TENT5D: variants seen among roughly 807,000 people sequenced by gnomAD.
TENT5D encodes the protein terminal nucleotidyltransferase 5D, also known as cancer/testis antigen 112.
For missense variants in TENT5D, 191 were observed against 287.0 expected (o/e 0.67, Z 2.42); for synonymous variants, 103 against 100.6 (o/e 1.02, Z -0.15).
chrX:80,433,873 G>A (rs1250311735), intron 1 of TENT5D, among the ~76,000 whole-genome samples: 1 of 111,316 alleles, frequency 9.0e-6, no homozygotes, highest in African/African-American at 3.3e-5. Flanking sequence ...GGTGGCTCAT[G>A]CCTCTAATCC....
intron 3 of TENT5D, among the ~76,000 whole-genome samples, chrX:80,344,286 A>G (rs1477346372): frequency 9.0e-6 from 1 of 110,520 alleles, no homozygotes; most frequent in Non-Finnish European, 1.9e-5. Flanking sequence ...TTTTGGTAGA[A>G]CAATTTATAT....
intron 1 of TENT5D, among the ~76,000 whole-genome samples, chrX:80,436,513 G>T (rs1028358525): frequency 9.1e-6 from 1 of 110,252 alleles, no homozygotes; most frequent in Non-Finnish European, 1.9e-5. Context: ...TCTACATTAG[G>T]TACTTCTCCT....
intron 3 of TENT5D, among the ~76,000 whole-genome samples, chrX:80,343,165 T>C (rs775562533): frequency 9.0e-6 from 1 of 111,305 alleles, no homozygotes; most frequent in Admixed American, 9.6e-5. Flanking sequence ...CAGGAGTGCA[T>C]TAATGCTCAG....
chrX:80,372,712 C>T (rs1279788093), intron 3 of TENT5D, among the ~76,000 whole-genome samples: 3 of 109,241 alleles, frequency 2.7e-5, no homozygotes, highest in African/African-American at 1.0e-4. Context: ...CATGGTGAAA[C>T]CCCGTCTCTA....
At chrX:80,338,204 C>G (rs1390388893) in intron 2 of TENT5D, among the ~76,000 whole-genome samples, 1 of 111,636 alleles carries the variant, frequency 9.0e-6, no homozygotes, top group African/African-American at 3.3e-5. Flanking sequence ...AGGTTGCTAC[C>G]TTTTTCTCCT....
chrX:80,378,371 T>C (rs182999473), intron 3 of TENT5D, among the ~76,000 whole-genome samples: 77 of 112,031 alleles, frequency 6.9e-4, no homozygotes, highest in African/African-American at 2.4e-3. Context: ...TGGTTTTAGG[T>C]CTAAGATTGA....
At chrX:80,378,057 T>A (rs1435706962) in intron 3 of TENT5D, among the ~76,000 whole-genome samples, 1 of 112,171 alleles carries the variant, frequency 8.9e-6, no homozygotes, top group East Asian at 2.8e-4. Flanking sequence ...TCTGTTCATA[T>A]CCTTTGCCCA....
chrX:80,357,649 C>T (rs748787637), intron 3 of TENT5D, among the ~76,000 whole-genome samples: 11 of 110,445 alleles, frequency 1.0e-4, no homozygotes, highest in South Asian at 7.7e-4. Context: ...CATTGTAGAT[C>T]CTGGATATTA....
chrX:80,379,944 G>A (rs1258121264), intron 3 of TENT5D, among the ~76,000 whole-genome samples: 1 of 106,876 alleles, frequency 9.4e-6, no homozygotes, highest in Non-Finnish European at 1.9e-5. Context: ...AGGGTTTTTT[G>A]TATCTCTTTC....
chrX:80,376,954 A>C (rs764040726), intron 3 of TENT5D, among the ~76,000 whole-genome samples: 4 of 111,386 alleles, frequency 3.6e-5, no homozygotes, highest in Non-Finnish European at 7.5e-5. Context: ...AGTCAGGGAG[A>C]GGACACTATC....
intron 3 of TENT5D, among the ~76,000 whole-genome samples, chrX:80,369,649 A>G: frequency 8.9e-6 from 1 of 112,198 alleles, no homozygotes; most frequent in South Asian, 3.6e-4. Context: ...GTTCACTTCT[A>G]TATTTTTTAA....
intron 3 of TENT5D, among the ~76,000 whole-genome samples, chrX:80,347,970 A>T (rs1330461220): frequency 9.0e-6 from 1 of 111,710 alleles, no homozygotes; most frequent in Non-Finnish European, 1.9e-5. Context: ...TTTGTTGAAG[A>T]TAACATGGTT....
chrX:80,429,804 G>T (rs977017871), intron 1 of TENT5D, among the ~76,000 whole-genome samples: 2 of 111,271 alleles, frequency 1.8e-5, no homozygotes, highest in Non-Finnish European at 3.8e-5. Flanking sequence ...GGGGCTTCCT[G>T]AGTAATAAAT....
intron 3 of TENT5D, among the ~76,000 whole-genome samples, chrX:80,380,010 T>G (rs1408017869): frequency 9.5e-6 from 1 of 105,442 alleles, no homozygotes; most frequent in African/African-American, 3.5e-5. Context: ...GCTTTTGAAT[T>G]TGTTTGCTCT....
At chrX:80,346,656 TTTTG>T (rs1930068561) in intron 3 of TENT5D, among the ~76,000 whole-genome samples, 1 of 111,996 alleles carries the variant, frequency 8.9e-6, no homozygotes, top group Non-Finnish European at 1.9e-5. Flanking sequence ...CTGTTGATTA[TTTTG>T]TTTATTTTTT....
chrX:80,416,478 T>G (rs753025381), upstream of TENT5D, among the ~76,000 whole-genome samples: 1 of 109,405 alleles, frequency 9.1e-6, no homozygotes, highest in Non-Finnish European at 1.9e-5. Flanking sequence ...TCCCAGGGAT[T>G]CTGGTATGTT....
intron 3 of TENT5D, among the ~76,000 whole-genome samples, chrX:80,352,873 T>C (rs1930213948): frequency 9.1e-6 from 1 of 109,835 alleles, no homozygotes; most frequent in Non-Finnish European, 1.9e-5. Context: ...ATAGGAAAAG[T>C]GTAGTATCTG....
intron 3 of TENT5D, among the ~76,000 whole-genome samples, chrX:80,364,751 A>G (rs1474537717): frequency 1.8e-5 from 2 of 110,012 alleles, no homozygotes; most frequent in African/African-American, 3.3e-5. Flanking sequence ...ATTAGTTAGA[A>G]GTTTCCTCTT....
chrX:80,379,929 T>C (rs1367273469), intron 3 of TENT5D, among the ~76,000 whole-genome samples: 1 of 108,325 alleles, frequency 9.2e-6, no homozygotes. Flanking sequence ...CATTGATTTT[T>C]TTGAAGGGTT....
Sources: gnomAD v4.1 joint callset for allele counts (sites outside exome capture counted in the v4.1 genomes callset) on GRCh38, gnomAD v4.1.1 for gene constraint, MANE v1.5 for transcripts, NCBI Gene and HGNC (gene_info 2026-07-23, HGNC 2026-07-21) for gene names.